The following PUSL1 variants were observed in gnomAD, a reference collection of about 807,000 sequenced individuals.
PUSL1 encodes the protein tRNA pseudouridine synthase-like 1.
In PUSL1, 51 loss-of-function variants were observed where a neutral mutation model predicts 30.7. The observed-to-expected ratio is 1.66, with a 90% CI of 1.33 to 2.10. The LOEUF is 2.10. Ranked by LOEUF, PUSL1 falls within the 30% of genes most tolerant of loss-of-function variation. The pLI is 0.00. For missense variants in PUSL1, 609 were observed against 427.6 expected, an observed-to-expected ratio of 1.42 and a Z score of -3.74; for synonymous variants, 290 against 192.1, an observed-to-expected ratio of 1.51 and a Z score of -4.21.
rs749054386 is a variant in PUSL1, at chr1:1,311,358, A to G, written c.891A>G (p.Pro297=). The G allele has an allele frequency of 1.3e-6, 2 of 1,595,424 alleles. No homozygotes were observed. Among genetic ancestry groups the G allele is most frequent in the Non-Finnish European group, 1.7e-6 (2 of 1,169,296 alleles). The change falls in exon 8 of 8, where the codon CCA becomes CCG. Residue 297 remains proline (P), a synonymous_variant. Transcript: ENST00000379031. ...LGAASCTLQG[P]QFGSHG ...CTGCCTCCTGCACCCTGCAGGGGCC[A>G]CAGTTCGGGAGCCACGGATGACCCT...
intron 1 of PUSL1, 33 bp from the exon 2 acceptor site, chr1:1,308,882 C>A: frequency 5.0e-6 from 7 of 1,412,148 alleles, no homozygotes; most frequent in Non-Finnish European, 6.5e-6. Context: ...GGGCAGGGCG[C>A]CCCCGGTAAC....
chr1:1,311,554 C>T lies in PUSL1; in HGVS notation c.*175C>T. The T allele has an allele frequency of 1.3e-6, 1 of 743,100 alleles. No individual in the cohort carries two copies. Among genetic ancestry groups the T allele is most frequent in the African/African-American group, 1.7e-5 (1 of 58,108 alleles). 46.0% of individuals were successfully genotyped at this position (743,100 alleles called of 1,614,324 possible). On this transcript the variant is annotated 3_prime_UTR_variant, in exon 8 of 8. Transcript: ENST00000379031. Reference sequence around the variant, plus strand: ...TCTCTGTCCCAGGCGGGATGGGGCACAGTGCAGGACACAGCCATGTACACC... The same window carrying T: ...TCTCTGTCCCAGGCGGGATGGGGCATAGTGCAGGACACAGCCATGTACACC...
rs986804642 is a variant in PUSL1 at position 1,309,841 on chromosome 1, G to C, written c.634G>C (p.Glu212Gln). The C allele has an allele frequency of 1.3e-6, 2 of 1,522,252 alleles. No individual in the cohort carries two copies. The allele number at this position is 1,522,252 out of a possible 1,614,324, so 94.3% of individuals were successfully genotyped here. A position where few individuals can be genotyped will look rare whatever the true frequency, so the allele number is the denominator to read the frequency against. Residue 212 changes from glutamate to glutamine, a missense_variant, in exon 5 of 8, where the codon GAG becomes CAG. By Grantham distance (29) the Glu-to-Gln change is conservative. Transcript: ENST00000379031. ...CCAAGCCAGCCCCTTGGTCACCCCC[G>C]AGGAGAGCAGGTGAGGAAGGGCCCC... Reference protein sequence around the residue: ...PGQASPLVTPEESRKLRFWNL... With the variant: ...PGQASPLVTPQESRKLRFWNL...
At chr1:1,310,329 G>A (rs1642055891) in intron 5 of PUSL1, 4 of 411,274 alleles carry the variant, frequency 9.7e-6, no homozygotes, top group East Asian at 7.9e-5. Context: ...CACCAGCCAC[G>A]TTCCCAGACC....
In PUSL1 at chr1:1,309,572, G is replaced by T; in HGVS notation, c.442G>T (p.Glu148Ter). ...CHRRDELPVF[E>*]RNLCWTLPAD... ...CCGGCGTGATGAGCTGCCGGTGTTT[G>T]AACGCAACCTATGCTGGACTCTCCC... is the stretch of plus-strand genomic sequence containing the variant. Residue 148 changes from glutamate (E) to a stop codon, truncating the protein, a stop_gained, in exon 4 of 8, where the codon GAA becomes TAA. Coordinates refer to ENST00000379031, the MANE Select transcript of PUSL1 (RefSeq NM_153339.3). LOFTEE classifies it high-confidence loss of function. The T allele has an allele frequency of 6.2e-7, 1 of 1,612,108 alleles. No homozygotes were observed. The highest frequency in any genetic ancestry group is 8.5e-7 in the Non-Finnish European group (1 of 1,179,770).
Position 1,311,437 on chromosome 1 carries a change from C to A in PUSL1, c.*58C>A. ...CAGGCCCAACCCTGTGCTGGTCAAG[C>A]CAGGGCAGTCACAGCTGCTTGGGGC... On this transcript the variant is annotated 3_prime_UTR_variant, in exon 8 of 8. Transcript: ENST00000379031. 5.9e-6 allele frequency: 9 copies of A among 1,533,636 alleles called. No individual in the cohort carries two copies. Among genetic ancestry groups the A allele is most frequent in the South Asian group, 4.7e-5 (4 of 85,312 alleles).
At chr1:1,310,001 A>C (rs1570687581) in intron 5 of PUSL1, 150 bp downstream of exon 5, 2 of 598,586 alleles carry the variant, frequency 3.3e-6, no homozygotes, top group South Asian at 2.4e-5. Context: ...ATTCGCCCGG[A>C]CGCCCCCCAG....
At chr1:1,310,249 A>T in intron 5 of PUSL1, 1 of 336,970 alleles carries the variant, frequency 3.0e-6, no homozygotes, top group Non-Finnish European at 5.5e-6. Flanking sequence ...TGAAGGGGGG[A>T]AGAACTTCTG....
At position 1,309,492 on chromosome 1, in the gene PUSL1, C is replaced by T. The variant is rs781318251; in HGVS notation, c.362C>T (p.Ala121Val). ...RAFRVPSDFH[A>V]RHAATSRTYL... ...TTCCGAGTGCCCAGCGACTTCCACG[C>T]TCGTCACGCAGCCACGTCCCGGACC... Residue 121 changes from alanine to valine, a missense_variant, in exon 4 of 8, where the codon GCT becomes GTT. By Grantham distance (64) the Ala-to-Val change is moderately conservative. Coordinates refer to ENST00000379031, the MANE Select transcript of PUSL1 (RefSeq NM_153339.3). 2 of 1,608,776 alleles carry T rather than the reference C, an allele frequency of 1.2e-6. No homozygotes were observed. The highest frequency in any genetic ancestry group is 1.7e-5 in the Admixed American group (1 of 59,668).
chr1:1,311,288 C>T (rs566463279), intron 7 of PUSL1, 42 bp from the exon 8 acceptor site: 34 of 1,503,864 alleles, frequency 2.3e-5, no homozygotes, highest in East Asian at 4.7e-5. Context: ...GGTGCTGGGC[C>T]GGTCTTGCCC....
chr1:1,308,676 C>T lies in PUSL1; in HGVS notation c.33C>T (p.Arg11=). MSSAPASGSV[R]ARYLVYFQYV... is the part of the protein sequence containing the mutation. ...CGGCGCCGGCCTCAGGCTCCGTGCG[C>T]GCGCGCTATCTTGTGTACTTCCAGT... Residue 11 remains arginine (R), a synonymous_variant, in exon 1 of 8, where the codon CGC becomes CGT. Coordinates refer to ENST00000379031, the MANE Select transcript of PUSL1 (RefSeq NM_153339.3). 6.5e-7 allele frequency: 1 copy of T among 1,548,952 alleles called. No homozygotes were observed. The highest frequency in any genetic ancestry group is 8.7e-7 in the Non-Finnish European group (1 of 1,151,734).
At position 1,311,366 on chromosome 1, in the gene PUSL1, G is replaced by A. The variant is rs1365118430; in HGVS notation, c.899G>A (p.Gly300Glu). 6.3e-7 allele frequency: 1 copy of A among 1,598,010 alleles called. No homozygotes were observed. Among genetic ancestry groups the A allele is most frequent in the Admixed American group, 1.7e-5 (1 of 59,142 alleles). ...ASCTLQGPQF[G>E]SHG The stretch of plus-strand genomic sequence containing the variant: ...TGCACCCTGCAGGGGCCACAGTTCG[G>A]GAGCCACGGATGACCCTGGACACTC... The change falls in exon 8 of 8, where the codon GGG (glycine) becomes GAG (glutamate). Residue 300 changes from glycine (G) to glutamate (E), a missense_variant. Physicochemically the swap from Gly to Glu is moderately conservative, Grantham distance 98. Coordinates refer to ENST00000379031, the MANE Select transcript of PUSL1 (RefSeq NM_153339.3).
Position 1,309,511 on chromosome 1 carries a change from C to A in PUSL1, c.381C>A (p.Ser127=), listed in dbSNP as rs748112004. 5.3e-5 allele frequency: 85 copies of A among 1,610,610 alleles called. No homozygotes were observed. Among genetic ancestry groups the A allele is most frequent in the Non-Finnish European group, 6.9e-5 (81 of 1,179,142 alleles). ...TCCACGCTCGTCACGCAGCCACGTC[C>A]CGGACCTACCTGTACCGCCTGGCCA... ...SDFHARHAAT[S]RTYLYRLATG... is the part of the protein sequence containing the mutation. Residue 127 remains serine, a synonymous_variant, in exon 4 of 8, where the codon TCC becomes TCA. Transcript: ENST00000379031.
In PUSL1 at chr1:1,311,628, C is replaced by T; in HGVS notation, c.*249C>T. ...TTTGTTCAGCTTTTACTGGAAACTG[C>T]TGTCTAGGACCACCTGCCCTAACCA... On this transcript the variant is annotated 3_prime_UTR_variant, in exon 8 of 8. Transcript: ENST00000379031. 2 of 708,020 alleles carry T rather than the reference C, an allele frequency of 2.8e-6. No individual in the cohort carries two copies. The highest frequency in any genetic ancestry group is 2.6e-6 in the Non-Finnish European group (1 of 391,450). The allele number at this position is 708,020 out of a possible 1,614,324, so 43.9% of individuals were successfully genotyped here. A position where few individuals can be genotyped will look rare whatever the true frequency, so the allele number is the denominator to read the frequency against.
In PUSL1 at chr1:1,309,623, C is replaced by A; in HGVS notation, c.473+20C>A. On this transcript the variant is annotated intron_variant, in intron 4 of 7. Coordinates refer to ENST00000379031, the MANE Select transcript of PUSL1 (RefSeq NM_153339.3). The stretch of plus-strand genomic sequence containing the variant: ...GGCAGAGTGAGTGTGGCCCTGACAG[C>A]GGGGAGGGGGCGGGCAGGCCGGCCC... The A allele has an allele frequency of 1.9e-6, 3 of 1,597,924 alleles. No individual in the cohort carries two copies. The highest frequency in any genetic ancestry group is 2.6e-6 in the Non-Finnish European group (3 of 1,168,360).
At chr1:1,310,291 G>A (rs919791437) in intron 5 of PUSL1, 10 of 370,634 alleles carry the variant, frequency 2.7e-5, no homozygotes, top group South Asian at 4.4e-5. Flanking sequence ...AGAGCAGCAG[G>A]TACAGGACTG....
intron 5 of PUSL1, 28 bp downstream of exon 5, chr1:1,309,879 CT>C (rs1557622437): frequency 6.8e-7 from 1 of 1,462,040 alleles, no homozygotes; most frequent in South Asian, 1.4e-5. Flanking sequence ...GGCTGTGGCC[CT>C]GCCCTCAAGT....
Position 1,309,211 on chromosome 1 carries a change from G to A in PUSL1, c.261G>A (p.Pro87=), listed in dbSNP as rs965547627. Residue 87 remains proline, a synonymous_variant, in exon 3 of 8, where the codon CCG becomes CCA. Coordinates refer to ENST00000379031, the MANE Select transcript of PUSL1 (RefSeq NM_153339.3). ...HLDVQRRSGR[P]PFPPEVLAEA... is the part of the protein sequence containing the mutation. ...ACGTCCAGCGCCGCTCAGGCCGGCC[G>A]CCCTTCCCGCCCGAGGTCCTGGCCG... The A allele has an allele frequency of 1.8e-5, 27 of 1,519,656 alleles. No homozygotes were observed. In the African/African-American group the frequency reaches 3.6e-4, roughly 20 times the overall value. 94.1% of individuals were successfully genotyped at this position (1,519,656 alleles called of 1,614,324 possible). A position where few individuals can be genotyped will look rare whatever the true frequency, so the allele number is the denominator to read the frequency against.
rs770815928 is a variant in PUSL1, at chr1:1,311,090, A to G, written c.862+19A>G. On this transcript the variant is annotated intron_variant, in intron 7 of 7. Coordinates refer to ENST00000379031, the MANE Select transcript of PUSL1 (RefSeq NM_153339.3). ...AACCTCGGTAAGAAAAACAGGCACG[A>G]GAAGCTCCTGTCATGTGCCCAGTGA... 4 of 1,585,648 alleles carry G rather than the reference A, an allele frequency of 2.5e-6. No homozygotes were observed. The highest frequency in any genetic ancestry group is 3.4e-5 in the Admixed American group (2 of 58,794).
Sources: gnomAD v4.1 joint callset for allele counts on GRCh38, gnomAD v4.1.1 for gene constraint, MANE v1.5 for transcripts, NCBI Gene and HGNC (gene_info 2026-07-23, HGNC 2026-07-21) for gene names.